The following KIAA1217 variants were observed in gnomAD, a reference collection of about 807,000 sequenced individuals.
KIAA1217 encodes the protein sickle tail protein homolog.
In KIAA1217, 88 loss-of-function variants were observed where a neutral mutation model predicts 163.9. The observed-to-expected ratio is 0.54, with a 90% confidence interval of 0.45 to 0.64. KIAA1217 has a LOEUF of 0.64. KIAA1217 is among the 30% of genes least tolerant of loss of function. The probability of loss-of-function intolerance (pLI) is 0.00; values close to 1 mark genes in which losing one functional copy is unlikely to be tolerated. For synonymous variants in KIAA1217, 903 were observed against 923.1 expected, an observed-to-expected ratio of 0.98 and a Z score of 0.39; for missense variants, 2,372 against 2,475.0, an observed-to-expected ratio of 0.96 and a Z score of 0.88.
In KIAA1217 at chr10:23,821,093, C is replaced by CTG. The variant is rs200107307; in HGVS notation, c.-321+125868_-321+125869dup. Among the ~76,000 whole-genome samples, 55 of 137,346 alleles carry CTG rather than the reference C, an allele frequency of 4.0e-4. 1 individual carries two copies. The highest frequency in any genetic ancestry group is 1.5e-3 in the African/African-American group (49 of 32,354). The allele number at this position is 137,346 out of a possible 152,430, so 90.1% of individuals were successfully genotyped here. A position where few individuals can be genotyped will look rare whatever the true frequency, so the allele number is the denominator to read the frequency against. The stretch of plus-strand genomic sequence containing the variant: ...CTTCATGGGCTTAATTTTCTTGCAG[C>CTG]TGTGTGTGTGCGTGTGTGTGTGTGT... On this transcript the variant is annotated intron_variant, in intron 1 of 18. Coordinates refer to the KIAA1217 transcript ENST00000376462.
At chr10:24,219,514 T>G (rs1205351218) in intron 1 of KIAA1217, 112 bp from the exon 2 acceptor site, 1 of 775,060 alleles carries the variant, frequency 1.3e-6, no homozygotes, top group Non-Finnish European at 1.9e-6. Context: ...AAAAAAGATT[T>G]GCGAAGTTAA....
At chr10:24,162,525 A>G (rs1224127675) in intron 2 of KIAA1217, among the ~76,000 whole-genome samples, 2 of 152,242 alleles carry the variant, frequency 1.3e-5, no homozygotes, top group Admixed American at 6.5e-5. Context: ...GCAAGGAGTG[A>G]GAAGGTAGCA....
intron 2 of KIAA1217, among the ~76,000 whole-genome samples, chr10:24,040,362 G>A (rs935566062): frequency 6.6e-6 from 1 of 152,198 alleles, no homozygotes; most frequent in East Asian, 1.9e-4. Context: ...AAGTAGCCAA[G>A]GTTAGTTTCT....
chr10:24,072,273 C>T (rs978320993), intron 2 of KIAA1217, among the ~76,000 whole-genome samples: 1 of 152,058 alleles, frequency 6.6e-6, no homozygotes, highest in African/African-American at 2.4e-5. Context: ...AGCAATGCTC[C>T]CACCTCAGCC....
In KIAA1217 at chr10:24,520,105, G is replaced by C. The variant is rs201535887; in HGVS notation, c.2178-18G>C. The stretch of plus-strand genomic sequence containing the variant: ...GCCTCGTGTTCAGCTCTATGTGCTG[G>C]TGTCCTTGCTCCCGCAGCGAGTTGG... On this transcript the variant is annotated intron_variant, in intron 10 of 20. Transcript: ENST00000376454. 1.2e-6 allele frequency: 2 copies of C among 1,612,456 alleles called. No individual in the cohort carries two copies. The highest frequency in any genetic ancestry group is 1.7e-6 in the Non-Finnish European group (2 of 1,179,096).
At chr10:23,845,029 T>C (rs760998297) in intron 1 of KIAA1217, among the ~76,000 whole-genome samples, 5 of 152,202 alleles carry the variant, frequency 3.3e-5, no homozygotes, top group Non-Finnish European at 7.3e-5. Flanking sequence ...ACAATGATAG[T>C]TTCCAGCTTC....
intron 1 of KIAA1217, among the ~76,000 whole-genome samples, chr10:23,873,440 A>C (rs745836427): frequency 1.3e-5 from 2 of 152,092 alleles, no homozygotes; most frequent in African/African-American, 2.4e-5. Flanking sequence ...CAGATGAAGC[A>C]TTACTCTGTG....
intron 2 of KIAA1217, among the ~76,000 whole-genome samples, chr10:24,085,148 G>A (rs544874340): frequency 6.6e-6 from 1 of 151,910 alleles, no homozygotes; most frequent in Non-Finnish European, 1.5e-5. Flanking sequence ...TCTCCTGACC[G>A]CGTGATCCGC....
chr10:23,718,865 A>AAG (rs555582752), intron 1 of KIAA1217, among the ~76,000 whole-genome samples: 5,211 of 143,344 alleles, frequency 0.036, 325 homozygotes, highest in African/African-American at 0.14. Flanking sequence ...AGAGAGAGAG[A>AAG]AGAGAGAGAG....
At chr10:24,494,365 G>C in intron 6 of KIAA1217, 135 bp from the exon 7 acceptor site, 3 of 684,052 alleles carry the variant, frequency 4.4e-6, no homozygotes, top group Non-Finnish European at 2.5e-6. Context: ...GGCTCTTCAT[G>C]TTCCTGAGCC....
intron 1 of KIAA1217, among the ~76,000 whole-genome samples, chr10:23,994,687 C>T (rs1010962613): frequency 2.0e-5 from 3 of 152,170 alleles, no homozygotes; most frequent in Admixed American, 1.3e-4. Flanking sequence ...TGTGCACAAA[C>T]CATTTCATCT....
At chr10:24,275,154 G>T (rs756924518) in intron 2 of KIAA1217, among the ~76,000 whole-genome samples, 4 of 152,022 alleles carry the variant, frequency 2.6e-5, no homozygotes, top group Non-Finnish European at 1.5e-5. Flanking sequence ...ATGTTTTTGA[G>T]GTCTTAATTC....
At chr10:23,752,309 A>C (rs1209455516) in intron 1 of KIAA1217, among the ~76,000 whole-genome samples, 1 of 152,204 alleles carries the variant, frequency 6.6e-6, no homozygotes, top group East Asian at 1.9e-4. Flanking sequence ...TTGGTTCCTG[A>C]GACATTTACA....
At chr10:23,763,234 G>A (rs1306797054) in intron 1 of KIAA1217, among the ~76,000 whole-genome samples, 2 of 152,052 alleles carry the variant, frequency 1.3e-5, no homozygotes, top group Non-Finnish European at 2.9e-5. Context: ...ACTACCATTG[G>A]CATTCTTCAC....
chr10:24,171,748 T>C (rs1193522842), intron 2 of KIAA1217, among the ~76,000 whole-genome samples: 6 of 151,580 alleles, frequency 4.0e-5, no homozygotes, highest in Non-Finnish European at 7.4e-5. Context: ...GATTGCACCA[T>C]TGCACTCCAG....
rs112105725 is a variant in KIAA1217 at position 24,365,727 on chromosome 10, A to G, written c.355-15142A>G. ...TTATTTATTTATTTTTTTAACCCCT[A>G]TGTGCATCTTGGGTAGAATATTTTA... On this transcript the variant is annotated intron_variant, in intron 2 of 20. Coordinates refer to ENST00000376454, the MANE Select transcript of KIAA1217 (RefSeq NM_019590.5). 4.9e-3 allele frequency among the ~76,000 whole-genome samples: 737 copies of G among 151,890 alleles called. 6 individuals are homozygous for G. The highest frequency in any genetic ancestry group is 0.017 in the African/African-American group (717 of 41,418).
chr10:23,774,349 G>C (rs151325069), intron 1 of KIAA1217, among the ~76,000 whole-genome samples: 30 of 152,336 alleles, frequency 2.0e-4, no homozygotes, highest in African/African-American at 7.2e-4. Flanking sequence ...GCTGGAGACA[G>C]TCCTGCCCTT....
chr10:24,500,606 C>A (rs1335598597), intron 8 of KIAA1217, among the ~76,000 whole-genome samples: 1 of 152,166 alleles, frequency 6.6e-6, no homozygotes, highest in Non-Finnish European at 1.5e-5. Flanking sequence ...GGACAGTACC[C>A]AGTTCTTACT....
intron 2 of KIAA1217, among the ~76,000 whole-genome samples, chr10:24,039,791 GATATAGATAGAT>G (rs747103159): frequency 0.013 from 1,726 of 133,790 alleles, 17 homozygotes; most frequent in Non-Finnish European, 0.02. Flanking sequence ...GCATGATATA[GATATAGATAGAT>G]ATAGATATAG....
Sources: gnomAD v4.1 joint callset for allele counts (sites outside exome capture counted in the v4.1 genomes callset) on GRCh38, gnomAD v4.1.1 for gene constraint, MANE v1.5 for transcripts, NCBI Gene and HGNC (gene_info 2026-07-23, HGNC 2026-07-21) for gene names.